The following IPO8 variants were observed in gnomAD, a reference collection of about 807,000 sequenced individuals.
The protein encoded by IPO8 is importin 8.
IPO8 carries 65 observed loss-of-function variants against 141.2 expected under a neutral mutation model. The ratio of observed to expected loss-of-function variants is 0.46; its 90% CI spans 0.38 to 0.57. The LOEUF (loss-of-function observed/expected upper bound fraction) is 0.57. IPO8 is among the 20% of genes least tolerant of loss of function. The probability of loss-of-function intolerance (pLI) is 0.00; values close to 1 mark genes in which losing one functional copy is unlikely to be tolerated. For synonymous variants in IPO8, 411 were observed against 420.3 expected, an observed-to-expected ratio of 0.98 and a Z score of 0.27; for missense variants, 980 against 1,246.8, an observed-to-expected ratio of 0.79 and a Z score of 3.22.
Position 30,681,786 on chromosome 12 carries a change from T to C in IPO8, c.355A>G (p.Ile119Val). Reference protein sequence around the residue: ...VQLTMCLRAIIKHDFPGHWPG... With the variant: ...VQLTMCLRAIVKHDFPGHWPG... ...CAGTGACCAGGAAAATCATGTTTTA[T>C]GATGGCACGGAGACACATTGTTAAT... The change falls in exon 4 of 25, where the codon ATA (isoleucine) becomes GTA (valine). Residue 119 changes from isoleucine to valine, a missense_variant. Around this residue, in one of 3 missense-constraint regions of IPO8, gnomAD observed 924 missense variants for 1,153.9 expected, o/e 0.80. Transcript: ENST00000256079. 6.2e-7 allele frequency: 1 copy of C among 1,613,750 alleles called. No individual in the cohort carries two copies. The highest frequency in any genetic ancestry group is 8.5e-7 in the Non-Finnish European group (1 of 1,179,724).
Position 30,665,257 on chromosome 12 carries a change from G to A in IPO8, c.1391C>T (p.Pro464Leu). The change falls in exon 13 of 25, where the codon CCA becomes CTA. Residue 464 changes from proline to leucine, a missense_variant. Pro to Leu is a moderately conservative substitution (Grantham distance 98, BLOSUM62 -3). Coordinates refer to ENST00000256079, the MANE Select transcript of IPO8 (RefSeq NM_006390.4). ...MELFLQNHVF[P>L]LLLSNLGYLR... ...ATATCCCAGGTTAGACAATAATAAT[G>A]GAAATACATGATTTTGTAGAAACAG... is the stretch of plus-strand genomic sequence containing the variant. 6 of 1,599,558 alleles carry A rather than the reference G, an allele frequency of 3.8e-6. No individual in the cohort carries two copies. The highest frequency in any genetic ancestry group is 5.1e-6 in the Non-Finnish European group (6 of 1,169,754).
chr12:30,672,642 A>G (rs2053067703), intron 8 of IPO8, among the ~76,000 whole-genome samples: 1 of 152,166 alleles, frequency 6.6e-6, no homozygotes, highest in African/African-American at 2.4e-5. Context: ...ACCACACTTC[A>G]AGTGGGAATT....
intron 22 of IPO8, among the ~76,000 whole-genome samples, chr12:30,635,287 T>G (rs1664345759): frequency 2.0e-5 from 3 of 152,118 alleles, no homozygotes; most frequent in African/African-American, 7.2e-5. Context: ...ATAGTATATG[T>G]ACATTTCAAA....
chr12:30,665,047 C>A (rs1325309835), intron 13 of IPO8, among the ~76,000 whole-genome samples, 173 bp downstream of exon 13: 2 of 152,158 alleles, frequency 1.3e-5, no homozygotes, highest in Admixed American at 1.3e-4. Context: ...GCCTATAAAT[C>A]TTTTTCTTTA....
intron 20 of IPO8, among the ~76,000 whole-genome samples, chr12:30,644,916 G>A (rs942323986): frequency 3.5e-4 from 53 of 151,624 alleles, no homozygotes; most frequent in African/African-American, 1.3e-3. Flanking sequence ...GCCTCCCAAA[G>A]TGCTGGGATT....
rs2136180826 is a variant in IPO8, at chr12:30,695,612, G to A, written c.36C>T (p.Gly12=). ...DLNRIIQALK[G]TIDPKLRIAA... is the part of the protein sequence containing the mutation. ...CAATCCGCAACTTCGGGTCGATGGT[G>A]CCCTTCAGCGCCTGGATGATCCGGT... The change falls in exon 1 of 25, where the codon GGC becomes GGT. Residue 12 remains glycine, a synonymous_variant. Transcript: ENST00000256079. The surrounding 1 kb of genome is among the most constrained non-coding windows in gnomAD (Gnocchi z 4.2). 2.5e-6 allele frequency: 4 copies of A among 1,614,158 alleles called. No individual in the cohort carries two copies. In the East Asian group the frequency reaches 6.7e-5, roughly 27 times the overall value.
rs2052403169 is a variant in IPO8 at position 30,629,600 on chromosome 12, G to A, written c.*1260C>T. On this transcript the variant is annotated 3_prime_UTR_variant, in exon 25 of 25. Transcript: ENST00000256079. The stretch of plus-strand genomic sequence containing the variant: ...TGTATCACATCCAGTAATATGTTAA[G>A]TTCTGAAGATACGTTTTCATTTTGC... 6.6e-6 allele frequency: 1 copy of A among 152,154 alleles called. No homozygotes were observed. Among genetic ancestry groups the A allele is most frequent in the Non-Finnish European group, 1.5e-5 (1 of 68,042 alleles). The allele number at this position is 152,154 out of a possible 1,614,324, so 9.4% of individuals were successfully genotyped here.
intron 23 of IPO8, among the ~76,000 whole-genome samples, chr12:30,633,419 A>T (rs902305468): frequency 7.2e-5 from 11 of 152,218 alleles, no homozygotes; most frequent in Non-Finnish European, 1.3e-4. Flanking sequence ...AATTTATTTG[A>T]TTAATAATTT....
At chr12:30,657,829 A>G (rs1400468187) in intron 16 of IPO8, among the ~76,000 whole-genome samples, 1 of 152,190 alleles carries the variant, frequency 6.6e-6, no homozygotes, top group Non-Finnish European at 1.5e-5. Flanking sequence ...CATTTTCGTA[A>G]AAGAAAAATA....
intron 5 of IPO8, among the ~76,000 whole-genome samples, chr12:30,677,632 G>A (rs1444924309): frequency 1.3e-5 from 2 of 151,814 alleles, no homozygotes; most frequent in Non-Finnish European, 2.9e-5. Flanking sequence ...ATACAGAAGT[G>A]GAAGACAGTG....
intron 1 of IPO8, among the ~76,000 whole-genome samples, chr12:30,694,760 T>C (rs1240561983): frequency 6.6e-6 from 1 of 152,192 alleles, no homozygotes; most frequent in African/African-American, 2.4e-5. Flanking sequence ...TCCATCCCAG[T>C]GGTAGCTCTT....
chr12:30,680,746 C>T, intron 4 of IPO8, 108 bp from the exon 5 acceptor site: 1 of 843,566 alleles, frequency 1.2e-6, no homozygotes, highest in Middle Eastern at 3.6e-4. Context: ...AAAACAAAGT[C>T]ATTAACATTG....
chr12:30,652,938 G>A, intron 18 of IPO8, 29 bp downstream of exon 18: 1 of 1,564,890 alleles, frequency 6.4e-7, no homozygotes, highest in South Asian at 1.2e-5. Flanking sequence ...ACACAGAAAA[G>A]CAAAAATTTT....
In IPO8 at chr12:30,676,553, G is replaced by A. The variant is rs1172013682; in HGVS notation, c.674C>T (p.Thr225Ile). 1.2e-6 allele frequency: 2 copies of A among 1,613,274 alleles called. No individual in the cohort carries two copies. The highest frequency in any genetic ancestry group is 1.7e-5 in the Admixed American group (1 of 60,000). Residue 225 changes from threonine (T) to isoleucine (I), a missense_variant, in exon 6 of 25, where the codon ACC (threonine) becomes ATC (isoleucine). Thr to Ile is a moderately conservative substitution (Grantham distance 89). Transcript: ENST00000256079. ...ALPLQLVNNQ[T>I]MTTWMEIFRT... Reference sequence around the variant, plus strand: ...GAAGATCTCCATCCATGTTGTCATGGTTTGGTTATTCACTAGCTGAAGAGG... The same window carrying A: ...GAAGATCTCCATCCATGTTGTCATGATTTGGTTATTCACTAGCTGAAGAGG...
chr12:30,656,848 C>A (rs536932631), intron 16 of IPO8, 98 bp from the exon 17 acceptor site: 1 of 552,374 alleles, frequency 1.8e-6, no homozygotes, highest in South Asian at 3.3e-5. Flanking sequence ...ATTTTTGAGA[C>A]GGTAACTTGA....
At position 30,630,785 on chromosome 12, in the gene IPO8, C is replaced by T; in HGVS notation, c.*75G>A. ...GGGCCCTAAAAGCAGCCCCTCATTT[C>T]ATCCCCTTGACCCTCACACTCCTCT... On this transcript the variant is annotated 3_prime_UTR_variant, in exon 25 of 25. Transcript: ENST00000256079. 8.2e-7 allele frequency: 1 copy of T among 1,212,900 alleles called. No individual in the cohort carries two copies. Among genetic ancestry groups the T allele is most frequent in the South Asian group, 1.3e-5 (1 of 76,974 alleles). 75.1% of individuals were successfully genotyped at this position (1,212,900 alleles called of 1,614,324 possible).
chr12:30,652,855 TA>T, intron 18 of IPO8, 111 bp downstream of exon 18: 1 of 1,066,762 alleles, frequency 9.4e-7, no homozygotes, highest in Non-Finnish European at 1.3e-6. Flanking sequence ...GACCGGGAAA[TA>T]AAAACATTTT....
chr12:30,656,720 G>A lies in IPO8; in HGVS notation c.1912C>T (p.Arg638Trp), dbSNP rs776148047. Residue 638 changes from arginine (R) to tryptophan (W), a missense_variant, in exon 17 of 25, where the codon CGG becomes TGG. This residue lies in a region of IPO8 where 924 missense variants were observed against 1,153.9 expected (regional missense o/e 0.80). Coordinates refer to ENST00000256079, the MANE Select transcript of IPO8 (RefSeq NM_006390.4). ...TTCTGCAGAACAAGATCAATGATCC[G>A]TAGACAGATATTCTCTAACTGCTGG... is the stretch of plus-strand genomic sequence containing the variant. ...ITQQLENICL[R>W]IIDLVLQKHV... is the part of the protein sequence containing the mutation. 9.7e-6 allele frequency: 15 copies of A among 1,546,474 alleles called. No homozygotes were observed. The highest frequency in any genetic ancestry group is 1.8e-5 in the Admixed American group (1 of 55,414).
At chr12:30,662,259 T>C (rs1174751629) in intron 15 of IPO8, 68 bp downstream of exon 15, 18 of 1,253,280 alleles carry the variant, frequency 1.4e-5, no homozygotes, top group Non-Finnish European at 1.9e-5. Context: ...CTGAACTCCA[T>C]ATTTTGGAGT....
Sources: gnomAD v4.1 joint callset for allele counts (sites outside exome capture counted in the v4.1 genomes callset) on GRCh38, gnomAD v4.1.1 for gene constraint, gnomAD v4.1.1 regional missense constraint, Gnocchi (gnomAD v3.1) non-coding constraint, MANE v1.5 for transcripts, NCBI Gene and HGNC (gene_info 2026-07-23, HGNC 2026-07-21) for gene names.